DPP10: variants seen among roughly 807,000 people sequenced by gnomAD.
DPP10 encodes the protein inactive dipeptidyl peptidase 10.
A neutral mutation model predicts 120.9 loss-of-function variants in DPP10; 33 were observed. That is an observed-to-expected ratio of 0.27 (90% CI 0.21 to 0.37). The LOEUF is 0.37. Among genes scored for constraint, DPP10 ranks in the 10% least tolerant of loss-of-function variants. The pLI is 1.00. For missense variants in DPP10, 816 were observed against 942.8 expected, an observed-to-expected ratio of 0.87 and a Z score of 1.76; for synonymous variants, 337 against 326.1, an observed-to-expected ratio of 1.03 and a Z score of -0.36.
chr2:114,574,847 G>A (rs1051549572), intron 1 of DPP10, among the ~76,000 whole-genome samples: 5 of 152,186 alleles, frequency 3.3e-5, no homozygotes, highest in Non-Finnish European at 7.3e-5. Flanking sequence ...ATGAAGTGCT[G>A]GGAGACCCAG....
chr2:114,978,234 T>C (rs1699872679), intron 1 of DPP10, among the ~76,000 whole-genome samples: 1 of 152,192 alleles, frequency 6.6e-6, no homozygotes, highest in Non-Finnish European at 1.5e-5. Context: ...AATATGGCTA[T>C]TGAGCACTTG....
rs145217376 is a variant in DPP10, at chr2:115,631,139, G to C, written c.442-58548G>C. Among the ~76,000 whole-genome samples the C allele has an allele frequency of 7.8e-3, 1,138 of 146,116 alleles. 6 individuals carry two copies. Among genetic ancestry groups the C allele is most frequent in the Non-Finnish European group, 0.012 (779 of 67,638 alleles). ...TATTCAAGGATTCAACTTCTTCCTC[G>C]TTCAGTCTTGGGAGGGTGTATGTGT... is the stretch of plus-strand genomic sequence containing the variant. On this transcript the variant is annotated intron_variant, in intron 5 of 25. Transcript: ENST00000410059.
intron 1 of DPP10, among the ~76,000 whole-genome samples, chr2:115,084,049 C>T (rs1708496383): frequency 6.6e-6 from 1 of 152,116 alleles, no homozygotes; most frequent in African/African-American, 2.4e-5. Context: ...AGGGGCTATA[C>T]CTTTGTGATC....
chr2:114,492,678 T>A (rs529909149), intron 1 of DPP10, among the ~76,000 whole-genome samples: 1 of 152,336 alleles, frequency 6.6e-6, no homozygotes, highest in East Asian at 1.9e-4. Flanking sequence ...TAAAAGCAGT[T>A]TGCTTTCCAT....
At chr2:114,974,065 G>T (rs1434344311) in intron 1 of DPP10, among the ~76,000 whole-genome samples, 1 of 152,120 alleles carries the variant, frequency 6.6e-6, no homozygotes, top group Non-Finnish European at 1.5e-5. Context: ...GTAAAAAACT[G>T]CAGTAAGCTA....
At chr2:115,796,501 G>A (rs1405840394) in intron 19 of DPP10, among the ~76,000 whole-genome samples, 1 of 152,238 alleles carries the variant, frequency 6.6e-6, no homozygotes, top group East Asian at 1.9e-4. Context: ...ATTAAGTCGA[G>A]ATGGAGAAAT....
intron 1 of DPP10, among the ~76,000 whole-genome samples, chr2:114,845,899 G>A (rs1400819946): frequency 1.3e-5 from 2 of 152,138 alleles, no homozygotes; most frequent in Admixed American, 6.5e-5. Flanking sequence ...TTCCCTAGCT[G>A]AGACTTTGAA....
At chr2:114,742,305 T>A (rs1678140080) in intron 1 of DPP10, among the ~76,000 whole-genome samples, 1 of 150,960 alleles carries the variant, frequency 6.6e-6, no homozygotes, top group Admixed American at 6.6e-5. Flanking sequence ...GTTAAAATAG[T>A]GAAAAAAAAT....
intron 15 of DPP10, 141 bp downstream of exon 15, chr2:115,777,975 T>G (rs1208442855): frequency 5.6e-6 from 4 of 712,262 alleles, no homozygotes; most frequent in Admixed American, 2.7e-5. Flanking sequence ...AGCTTCACAC[T>G]CTTGCACCAG....
chr2:115,693,140 G>A (rs1051636852), intron 7 of DPP10, among the ~76,000 whole-genome samples: 4 of 152,126 alleles, frequency 2.6e-5, no homozygotes, highest in Non-Finnish European at 4.4e-5. Context: ...TTATCTTGTA[G>A]ATATTTAGAT....
chr2:114,711,141 C>A (rs1316724226), intron 1 of DPP10, among the ~76,000 whole-genome samples: 1 of 152,108 alleles, frequency 6.6e-6, no homozygotes, highest in African/African-American at 2.4e-5. Context: ...ATTCATTTAC[C>A]CATTTACCCA....
chr2:115,366,005 T>A (rs981783139), intron 3 of DPP10, among the ~76,000 whole-genome samples: 1 of 152,046 alleles, frequency 6.6e-6, no homozygotes, highest in Non-Finnish European at 1.5e-5. Flanking sequence ...GATTATAGAT[T>A]TATTTTGTTA....
At chr2:114,610,969 C>G (rs1693238410) in intron 1 of DPP10, among the ~76,000 whole-genome samples, 2 of 152,128 alleles carry the variant, frequency 1.3e-5, no homozygotes, top group South Asian at 4.1e-4. Flanking sequence ...TGCCATTCAG[C>G]ACTGAGTGAT....
chr2:114,976,950 G>A (rs1169003206), intron 1 of DPP10, among the ~76,000 whole-genome samples: 1 of 151,806 alleles, frequency 6.6e-6, no homozygotes, highest in Non-Finnish European at 1.5e-5. Flanking sequence ...TCTTCTAATT[G>A]CTTTGTTCTC....
intron 24 of DPP10, 116 bp from the exon 25 acceptor site, chr2:115,840,634 C>A: frequency 9.2e-7 from 1 of 1,091,698 alleles, no homozygotes; most frequent in Admixed American, 2.2e-5. Flanking sequence ...AGATATAAGT[C>A]TTTTAAATGT....
At chr2:114,744,155 GATTGGACATGCAACATAGCTGGAC>G (rs1300063991) in intron 1 of DPP10, among the ~76,000 whole-genome samples, 1 of 152,172 alleles carries the variant, frequency 6.6e-6, no homozygotes, top group Non-Finnish European at 1.5e-5. Context: ...AGGACACAGT[GATTGGACATGCAACATAGCTGGAC>G]AGATCTGATG....
At chr2:114,857,224 T>C (rs1689442392) in intron 1 of DPP10, among the ~76,000 whole-genome samples, 1 of 152,192 alleles carries the variant, frequency 6.6e-6, no homozygotes. Flanking sequence ...GATCAAGCTA[T>C]AAACTATATA....
At chr2:115,765,986 T>G (rs1034922256) in intron 12 of DPP10, among the ~76,000 whole-genome samples, 1 of 152,054 alleles carries the variant, frequency 6.6e-6, no homozygotes, top group Non-Finnish European at 1.5e-5. Flanking sequence ...AAAATCAAAC[T>G]GTTCAGTATA....
chr2:115,411,330 T>G (rs973843067), intron 3 of DPP10, among the ~76,000 whole-genome samples: 4 of 151,598 alleles, frequency 2.6e-5, no homozygotes, highest in African/African-American at 7.3e-5. Flanking sequence ...AGACTCCGTC[T>G]CAAAAAAAAA....
Sources: gnomAD v4.1 joint callset for allele counts (sites outside exome capture counted in the v4.1 genomes callset) on GRCh38, gnomAD v4.1.1 for gene constraint, MANE v1.5 for transcripts, NCBI Gene and HGNC (gene_info 2026-07-23, HGNC 2026-07-21) for gene names.